PPIL2: variants seen among roughly 807,000 people sequenced by gnomAD.
PPIL2 encodes the protein RING-type E3 ubiquitin-protein ligase PPIL2.
A neutral mutation model predicts 75.2 loss-of-function variants in PPIL2; 50 were observed. That is an observed-to-expected ratio of 0.66 (90% CI 0.53 to 0.84). The LOEUF is 0.84. Among genes scored for constraint, PPIL2 ranks in the 40% least tolerant of loss-of-function variants. The probability of loss-of-function intolerance (pLI) is 0.00; values close to 1 mark genes in which losing one functional copy is unlikely to be tolerated. For synonymous variants in PPIL2, 245 were observed against 258.8 expected, an observed-to-expected ratio of 0.95 and a Z score of 0.51; for missense variants, 590 against 685.0, an observed-to-expected ratio of 0.86 and a Z score of 1.55.
chr22:21,682,623 T>C (rs1266565792), intron 8 of PPIL2, 97 bp downstream of exon 8: 34 of 662,746 alleles, frequency 5.1e-5, no homozygotes, highest in Non-Finnish European at 5.6e-5. Flanking sequence ...GCCCCTCATA[T>C]CTGTCCTCAA....
chr22:21,676,306 A>ATTTT (rs200463191), intron 6 of PPIL2, among the ~76,000 whole-genome samples: 2 of 23,338 alleles, frequency 8.6e-5, no homozygotes, highest in African/African-American at 3.2e-4. Flanking sequence ...TTATTTATTT[A>ATTTT]TTTTGTGTGT....
At position 21,695,375 on chromosome 22, in the gene PPIL2, C is replaced by G. The variant is rs372380327; in HGVS notation, c.1467-19C>G. The G allele has an allele frequency of 1.7e-4, 264 of 1,585,868 alleles. No individual in the cohort carries two copies. The African/African-American group carries it at 2.8e-3, about 17-fold the overall frequency. ...GCTGAGGGAGGGTGTGGGCTCCCAG[C>G]GGCTTCTTCTCTTCCCAGGAAGCGA... On this transcript the variant is annotated intron_variant, in intron 19 of 19. Transcript: ENST00000398831.
intron 15 of PPIL2, among the ~76,000 whole-genome samples, chr22:21,692,874 C>T (rs971301405): frequency 2.0e-5 from 3 of 149,978 alleles, no homozygotes; most frequent in African/African-American, 7.4e-5. Context: ...TGCAGTGAAC[C>T]GACATCGCGC....
intron 6 of PPIL2, among the ~76,000 whole-genome samples, chr22:21,680,814 A>C (rs1200814233): frequency 8.1e-6 from 1 of 123,006 alleles, no homozygotes; most frequent in Non-Finnish European, 1.6e-5. Context: ...TGGGTGACAG[A>C]GCGAGACTCC....
Position 21,697,088 on chromosome 22 carries a change from C to T in PPIL2, c.*1598C>T. The T allele has an allele frequency of 1.6e-6, 2 of 1,253,310 alleles. No homozygotes were observed. Among genetic ancestry groups the T allele is most frequent in the South Asian group, 2.9e-5 (2 of 69,588 alleles). The allele number at this position is 1,253,310 out of a possible 1,614,324, so 77.6% of individuals were successfully genotyped here. A position where few individuals can be genotyped will look rare whatever the true frequency, so the allele number is the denominator to read the frequency against. ...TAGAGTGACTTTTGACGCCCTCCATCCCTCCCGCCAGGCACTGTCCTCCGC... is the reference window on the plus strand; with the variant it reads ...TAGAGTGACTTTTGACGCCCTCCATTCCTCCCGCCAGGCACTGTCCTCCGC... On this transcript the variant is annotated 3_prime_UTR_variant, in exon 20 of 20. Coordinates refer to ENST00000398831, the MANE Select transcript of PPIL2 (RefSeq NM_014337.4).
In PPIL2 at chr22:21,693,872, G is replaced by A. The variant is rs375408758; in HGVS notation, c.1196G>A (p.Arg399Gln). The part of the protein sequence containing the change: ...YLDKKHTIFG[R>Q]VVGGFDVLTA... ...GACAAGAAGCATACCATCTTTGGAC[G>A]GTAAGGGAAGCGGCTGTGTGAAGCC... Residue 399 changes from arginine to glutamine, a missense_variant and splice_region_variant, in exon 16 of 20, where the codon CGG becomes CAG. Arg to Gln is a conservative substitution (Grantham distance 43, BLOSUM62 1). Coordinates refer to ENST00000398831, the MANE Select transcript of PPIL2 (RefSeq NM_014337.4). 9.8e-6 allele frequency: 15 copies of A among 1,538,060 alleles called. No homozygotes were observed. The highest frequency in any genetic ancestry group is 6.8e-5 in the African/African-American group (5 of 73,094).
At chr22:21,692,236 A>G (rs974857869) in intron 15 of PPIL2, among the ~76,000 whole-genome samples, 16 of 151,688 alleles carry the variant, frequency 1.1e-4, no homozygotes, top group Non-Finnish European at 2.4e-4. Context: ...GCTCACTGCA[A>G]GCTCCGCCTC....
intron 6 of PPIL2, among the ~76,000 whole-genome samples, chr22:21,680,154 C>A (rs984925561): frequency 5.9e-5 from 9 of 151,984 alleles, no homozygotes; most frequent in African/African-American, 1.9e-4. Context: ...AGTCCCCCTA[C>A]TGCACTTACT....
chr22:21,698,608 A>ATAACTTTGATAACTCACTTATCTT (rs1307518570), downstream of PPIL2: 2 of 152,286 alleles, frequency 1.3e-5, no homozygotes, highest in Non-Finnish European at 2.9e-5. Context: ...ACTCAAAGGG[A>ATAACTTTGATAACTCACTTATCTT]AGGGTCAGTT....
intron 1 of PPIL2, chr22:21,669,221 G>C (rs2066527404): frequency 4.0e-6 from 1 of 250,480 alleles, no homozygotes; most frequent in African/African-American, 2.3e-5. Context: ...GAGTGTAGTG[G>C]TGCTGTCACA....
intron 15 of PPIL2, among the ~76,000 whole-genome samples, chr22:21,692,373 C>T (rs879552001): frequency 2.0e-5 from 3 of 151,410 alleles, no homozygotes; most frequent in Admixed American, 6.6e-5. Context: ...CGAGGATGGT[C>T]TCGATCTCCT....
At chr22:21,684,633 T>C (rs1277097718) in intron 9 of PPIL2, 120 bp from the exon 10 acceptor site, 45 of 1,282,174 alleles carry the variant, frequency 3.5e-5, no homozygotes, top group Non-Finnish European at 4.7e-5. Context: ...TGGCTGGCAG[T>C]GGCACGGTGC....
intron 6 of PPIL2, among the ~76,000 whole-genome samples, chr22:21,675,995 C>T (rs2066825730): frequency 6.6e-6 from 1 of 152,218 alleles, no homozygotes; most frequent in Admixed American, 6.5e-5. Flanking sequence ...AGGTCTTTTG[C>T]CTGTGGAGAT....
chr22:21,673,933 A>G (rs1379607961), intron 5 of PPIL2, among the ~76,000 whole-genome samples: 3 of 152,282 alleles, frequency 2.0e-5, no homozygotes, highest in Admixed American at 2.0e-4. Context: ...CCACACCTGT[A>G]GTGATGTAGG....
chr22:21,684,369 G>A (rs1273216118), intron 9 of PPIL2, among the ~76,000 whole-genome samples: 1 of 141,680 alleles, frequency 7.1e-6, no homozygotes, highest in South Asian at 2.3e-4. Flanking sequence ...GGAGAATGGC[G>A]TGAACCTGGG....
intron 6 of PPIL2, among the ~76,000 whole-genome samples, chr22:21,678,873 T>G (rs1386790083): frequency 6.7e-6 from 1 of 150,226 alleles, no homozygotes; most frequent in African/African-American, 2.5e-5. Flanking sequence ...ACCACAGGCA[T>G]GTACTACCAT....
chr22:21,688,144 G>T (rs1196622764), intron 14 of PPIL2, 38 bp downstream of exon 14: 2 of 1,613,668 alleles, frequency 1.2e-6, no homozygotes, highest in Non-Finnish European at 1.7e-6. Flanking sequence ...GGGCACTTTG[G>T]CTGCTCCGTG....
At chr22:21,682,602 C>A in intron 8 of PPIL2, 76 bp downstream of exon 8, 1 of 1,235,632 alleles carries the variant, frequency 8.1e-7, no homozygotes, top group Non-Finnish European at 1.2e-6. Flanking sequence ...GGGCCCTACC[C>A]CCACGTCAGG....
chr22:21,692,321 A>AT (rs890802073), intron 15 of PPIL2, among the ~76,000 whole-genome samples: 37 of 151,402 alleles, frequency 2.4e-4, no homozygotes, highest in Non-Finnish European at 4.4e-4. Context: ...CGCCTGGCTA[A>AT]TTTTTTGTAT....
Sources: allele counts gnomAD v4.1 joint callset (sites outside exome capture counted in the v4.1 genomes callset), GRCh38; gene constraint gnomAD v4.1.1; transcripts MANE v1.5; gene names NCBI Gene and HGNC (gene_info 2026-07-23, HGNC 2026-07-21).